PLEKHA5: variants seen among roughly 807,000 people sequenced by gnomAD.
PLEKHA5 encodes the protein pleckstrin homology domain-containing family A member 5.
PLEKHA5 carries 55 observed loss-of-function variants against 181.9 expected under a neutral mutation model. The observed-to-expected ratio is 0.30, with a 90% CI of 0.24 to 0.38. The LOEUF is 0.38. Among genes scored for constraint, PLEKHA5 ranks in the 10% least tolerant of loss-of-function variants. The probability of loss-of-function intolerance (pLI) is 1.00; values close to 1 mark genes in which losing one functional copy is unlikely to be tolerated. For synonymous variants in PLEKHA5, 535 were observed against 529.4 expected, an observed-to-expected ratio of 1.01 and a Z score of -0.15; for missense variants, 1,432 against 1,549.5, an observed-to-expected ratio of 0.92 and a Z score of 1.27.
chr12:19,229,221 G>A (rs1413523499), intron 3 of PLEKHA5, among the ~76,000 whole-genome samples: 1 of 152,180 alleles, frequency 6.6e-6, no homozygotes, highest in Non-Finnish European at 1.5e-5. Flanking sequence ...GTCTTGGTTA[G>A]AGTTGTTGAC....
chr12:19,356,485 G>A (rs1383685738), intron 26 of PLEKHA5, among the ~76,000 whole-genome samples: 1 of 151,854 alleles, frequency 6.6e-6, no homozygotes, highest in Admixed American at 6.6e-5. Context: ...CTGCACCCCA[G>A]CCTAGGCAGC....
In PLEKHA5 at chr12:19,265,670, A is replaced by T. The variant is rs2070115288; in HGVS notation, c.611-80A>T. 3 of 783,314 alleles carry T rather than the reference A, an allele frequency of 3.8e-6. No homozygotes were observed. In the South Asian group the frequency reaches 4.9e-5, roughly 13 times the overall value. 48.5% of individuals were successfully genotyped at this position (783,314 alleles called of 1,614,324 possible). The stretch of plus-strand genomic sequence containing the variant: ...TTCATTTATGTACAAGAACCTTTTG[A>T]TTTGGCAAAAATAGATCTTGAAAAA... On this transcript the variant is annotated intron_variant, in intron 7 of 31. Coordinates refer to ENST00000429027, the MANE Select transcript of PLEKHA5 (RefSeq NM_001256470.2).
intron 16 of PLEKHA5, among the ~76,000 whole-genome samples, chr12:19,315,304 A>T (rs747945583): frequency 1.3e-5 from 2 of 152,112 alleles, no homozygotes; most frequent in Non-Finnish European, 2.9e-5. Context: ...CCCCCAACCT[A>T]GTGTTTTAAG....
At chr12:19,165,286 C>A (rs2044057490) in intron 3 of PLEKHA5, among the ~76,000 whole-genome samples, 1 of 152,172 alleles carries the variant, frequency 6.6e-6, no homozygotes, top group Admixed American at 6.6e-5. Context: ...GTAAGAAACA[C>A]ACACTGTCTA....
intron 25 of PLEKHA5, among the ~76,000 whole-genome samples, chr12:19,350,382 T>G (rs1446651996): frequency 6.6e-6 from 1 of 152,178 alleles, no homozygotes; most frequent in Non-Finnish European, 1.5e-5. Context: ...TGTGACAAAA[T>G]GTAAAACTTT....
chr12:19,340,437 CCCGTCTGGGAGGTG>C (rs1459855181), intron 21 of PLEKHA5, among the ~76,000 whole-genome samples: 164 of 39,566 alleles, frequency 4.1e-3, no homozygotes, highest in Non-Finnish European at 0.015. Flanking sequence ...CGGCCACCAC[CCCGTCTGGGAGGTG>C]TACTCAACAG....
chr12:19,283,628 G>T lies in PLEKHA5; in HGVS notation c.1662G>T (p.Gly554=), dbSNP rs755818063. The T allele has an allele frequency of 6.2e-7, 1 of 1,613,974 alleles. No homozygotes were observed. Among genetic ancestry groups the T allele is most frequent in the Non-Finnish European group, 8.5e-7 (1 of 1,179,912 alleles). Residue 554 remains glycine, a synonymous_variant, in exon 12 of 32, where the codon GGG becomes GGT. Coordinates refer to ENST00000429027, the MANE Select transcript of PLEKHA5 (RefSeq NM_001256470.2). ...CTATTCCCACATCACCTTCCCACGG[G>T]TCAATAGCTGCTTATCAGGGATACT... The part of the protein sequence containing the change: ...MHSIPTSPSH[G]SIAAYQGYSP...
intron 3 of PLEKHA5, among the ~76,000 whole-genome samples, chr12:19,176,872 T>TTTTTTC (rs2047397742): frequency 1.3e-5 from 2 of 152,102 alleles, no homozygotes; most frequent in Admixed American, 1.3e-4. Flanking sequence ...ATATTTATCT[T>TTTTTTC]TTTTTCTTTT....
intron 12 of PLEKHA5, among the ~76,000 whole-genome samples, chr12:19,286,688 C>T (rs576273555): frequency 2.6e-5 from 4 of 152,146 alleles, no homozygotes; most frequent in Admixed American, 1.3e-4. Flanking sequence ...CTGTTCAGGC[C>T]GGGCAAGTGG....
chr12:19,256,571 T>G (rs932943827), intron 5 of PLEKHA5, among the ~76,000 whole-genome samples: 1 of 152,224 alleles, frequency 6.6e-6, no homozygotes, highest in Non-Finnish European at 1.5e-5. Context: ...GAAAGTAAAT[T>G]AAAATCTATC....
chr12:19,361,262 A>G (rs1012941020), intron 28 of PLEKHA5, among the ~76,000 whole-genome samples: 2 of 152,134 alleles, frequency 1.3e-5, no homozygotes, highest in South Asian at 4.2e-4. Flanking sequence ...CGCTCACTGC[A>G]TGCTCCACCT....
chr12:19,137,385 T>C (rs368744175), intron 3 of PLEKHA5, among the ~76,000 whole-genome samples: 2 of 152,234 alleles, frequency 1.3e-5, no homozygotes, highest in East Asian at 1.9e-4. Flanking sequence ...TAGAGCTATA[T>C]AATTCTTTAG....
chr12:19,359,404 T>A lies in PLEKHA5; in HGVS notation c.3349-8T>A. On this transcript the variant is annotated splice_polypyrimidine_tract_variant and splice_region_variant and intron_variant, in intron 27 of 31. Coordinates refer to ENST00000429027, the MANE Select transcript of PLEKHA5 (RefSeq NM_001256470.2). ...TGAGTATAAAAATGCTATATGTCTTTTGAGCAGACTCGAAGGAGGGATGAT... is the reference window on the plus strand; with the variant it reads ...TGAGTATAAAAATGCTATATGTCTTATGAGCAGACTCGAAGGAGGGATGAT... 1 of 1,612,006 alleles carries A rather than the reference T, an allele frequency of 6.2e-7. No homozygotes were observed.
intron 3 of PLEKHA5, among the ~76,000 whole-genome samples, chr12:19,135,338 A>G (rs1026617182): frequency 6.6e-6 from 1 of 152,124 alleles, no homozygotes; most frequent in Non-Finnish European, 1.5e-5. Context: ...CTTGACCTTA[A>G]TGACTTTGGA....
At chr12:19,325,241 A>T (rs934464856) in intron 20 of PLEKHA5, among the ~76,000 whole-genome samples, 1 of 152,114 alleles carries the variant, frequency 6.6e-6, no homozygotes, top group African/African-American at 2.4e-5. Flanking sequence ...GAAACAAAAA[A>T]GTAGCTGGGC....
At chr12:19,331,859 C>T (rs1223415190) in intron 20 of PLEKHA5, among the ~76,000 whole-genome samples, 1 of 151,886 alleles carries the variant, frequency 6.6e-6, no homozygotes, top group Non-Finnish European at 1.5e-5. Context: ...CTCAAGTTTA[C>T]AGAAGATTAA....
At chr12:19,349,673 G>A (rs975813663) in intron 25 of PLEKHA5, among the ~76,000 whole-genome samples, 2 of 151,484 alleles carry the variant, frequency 1.3e-5, no homozygotes, top group African/African-American at 4.9e-5. Context: ...TCAGGAGGCC[G>A]AGGTGGGCGG....
At chr12:19,277,714 A>T (rs2074983428) in intron 11 of PLEKHA5, among the ~76,000 whole-genome samples, 1 of 152,228 alleles carries the variant, frequency 6.6e-6, no homozygotes, top group South Asian at 2.1e-4. Flanking sequence ...AACAATTGTA[A>T]TTCAATATAT....
At chr12:19,346,235 G>A (rs748802250) in intron 23 of PLEKHA5, among the ~76,000 whole-genome samples, 11 of 152,218 alleles carry the variant, frequency 7.2e-5, no homozygotes, top group Admixed American at 2.0e-4. Flanking sequence ...TATGTCATGC[G>A]TAGCATAAAG....
Sources: gnomAD v4.1 joint callset for allele counts (sites outside exome capture counted in the v4.1 genomes callset) on GRCh38, gnomAD v4.1.1 for gene constraint, MANE v1.5 for transcripts, NCBI Gene and HGNC (gene_info 2026-07-23, HGNC 2026-07-21) for gene names.